ZDHHC11B: variants seen among roughly 807,000 people sequenced by gnomAD.
ZDHHC11B encodes zDHHC palmitoyltransferase 11B (putative), also known as probable palmitoyltransferase ZDHHC11B.
ZDHHC11B carries 17 observed loss-of-function variants against 42.3 expected under a neutral mutation model. The ratio of observed to expected loss-of-function variants is 0.40; its 90% CI spans 0.27 to 0.60. The LOEUF (loss-of-function observed/expected upper bound fraction) is 0.60. Ranked by LOEUF, ZDHHC11B falls within the 20% of genes least tolerant of loss-of-function variation. The pLI is 0.41. For synonymous variants in ZDHHC11B, 123 were observed against 193.5 expected (o/e 0.64, Z 3.02); for missense variants, 262 against 463.2 (o/e 0.57, Z 3.99).
rs777782294 is a variant in ZDHHC11B at position 766,743 on chromosome 5, G to T, written c.177C>A (p.Ile59=). 5.6e-6 allele frequency: 9 copies of T among 1,611,974 alleles called. 1 individual carries two copies. The highest frequency in any genetic ancestry group is 7.6e-6 in the Non-Finnish European group (9 of 1,178,972). The change falls in exon 4 of 14, where the codon ATC becomes ATA. Residue 59 remains isoleucine, a synonymous_variant. Transcript: ENST00000508859. ...FVGLSLATFR[I]FIPLLPHSWK... is the part of the protein sequence containing the mutation. ...ACGAGTGAGGCAGGAGGGGAATGAA[G>T]ATCCTGAAGGTGGCCAAGGAAAGGC...
rs1300522762 is a variant in ZDHHC11B, at chr5:711,529, G to T, written c.*761C>A. ...CTGTGCTCATATTTCCCAGTACTGT[G>T]CTCCCATTTCCCAAAACTGTGCTCT... On this transcript the variant is annotated 3_prime_UTR_variant, in exon 14 of 14. Transcript: ENST00000508859. The T allele has an allele frequency of 1.3e-5, 2 of 149,498 alleles. No individual in the cohort carries two copies. The highest frequency in any genetic ancestry group is 5.3e-4 in the Middle Eastern group (1 of 1,886). The allele number at this position is 149,498 out of a possible 1,614,324, so 9.3% of individuals were successfully genotyped here. A position where few individuals can be genotyped will look rare whatever the true frequency, so the allele number is the denominator to read the frequency against.
At chr5:726,361 AG>A (rs1171202031) in intron 12 of ZDHHC11B, among the ~76,000 whole-genome samples, 1 of 149,968 alleles carries the variant, frequency 6.7e-6, no homozygotes, top group African/African-American at 2.5e-5. Context: ...CCAAACTGTT[AG>A]GTGACCCTGG....
At chr5:771,327 T>G (rs950260936) in intron 1 of ZDHHC11B, among the ~76,000 whole-genome samples, 1 of 149,804 alleles carries the variant, frequency 6.7e-6, no homozygotes, top group Non-Finnish European at 1.5e-5. Flanking sequence ...CTCCCTACAC[T>G]GAAGACCTTA....
At chr5:725,192 G>C (rs112214537) in intron 12 of ZDHHC11B, among the ~76,000 whole-genome samples, 40 of 143,420 alleles carry the variant, frequency 2.8e-4, no homozygotes, top group Admixed American at 5.5e-4. Context: ...GTGAGGACAA[G>C]CAGAGGAGGC....
intron 6 of ZDHHC11B, among the ~76,000 whole-genome samples, chr5:754,562 G>T (rs1336538182): frequency 8.0e-4 from 86 of 107,158 alleles, no homozygotes; most frequent in East Asian, 2.2e-3. Context: ...CCGTGCTCAG[G>T]GGAAACACCT....
At chr5:754,597 T>C in intron 6 of ZDHHC11B, among the ~76,000 whole-genome samples, 1 of 130,780 alleles carries the variant, frequency 7.6e-6, no homozygotes, top group Non-Finnish European at 1.7e-5. Context: ...TCCACCATGC[T>C]CAGGGGAAAC....
At chr5:716,215 G>A (rs1425366831) in intron 13 of ZDHHC11B, among the ~76,000 whole-genome samples, 3 of 151,230 alleles carry the variant, frequency 2.0e-5, no homozygotes, top group Admixed American at 2.0e-4. Context: ...CTGTTTTCAA[G>A]TGCTCAGTCT....
intron 10 of ZDHHC11B, among the ~76,000 whole-genome samples, chr5:737,426 A>G (rs1743658589): frequency 6.7e-6 from 1 of 149,396 alleles, no homozygotes; most frequent in African/African-American, 2.5e-5. Flanking sequence ...AAAAGATAAG[A>G]GGGAATCGTC....
At chr5:733,425 G>A (rs1743204531) in intron 11 of ZDHHC11B, among the ~76,000 whole-genome samples, 1 of 151,590 alleles carries the variant, frequency 6.6e-6, no homozygotes, top group Admixed American at 6.6e-5. Flanking sequence ...CTTTATCACA[G>A]CACTGTCCCT....
intron 12 of ZDHHC11B, among the ~76,000 whole-genome samples, chr5:729,012 C>CAAAAAAAA (rs751272226): frequency 0.077 from 9,619 of 125,418 alleles, 208 homozygotes; most frequent in East Asian, 0.28. Context: ...GACCCTGTCT[C>CAAAAAAAA]AAAAAAAAAA....
At chr5:728,103 A>C (rs1463875196) in intron 12 of ZDHHC11B, among the ~76,000 whole-genome samples, 12 of 151,868 alleles carry the variant, frequency 7.9e-5, no homozygotes, top group Middle Eastern at 3.4e-3. Flanking sequence ...GTGTGCAAAC[A>C]TTTGAAAAGC....
intron 4 of ZDHHC11B, among the ~76,000 whole-genome samples, chr5:758,006 G>A (rs1329430188): frequency 6.6e-6 from 1 of 151,870 alleles, no homozygotes; most frequent in African/African-American, 2.4e-5. Flanking sequence ...TGTAAAGGGT[G>A]TGGGTCAGCT....
In ZDHHC11B at chr5:752,709, A is replaced by T. The variant is rs1354714551; in HGVS notation, c.504-1452T>A. Among the ~76,000 whole-genome samples, 28 of 94,108 alleles carry T rather than the reference A, an allele frequency of 3.0e-4. 7 individuals carry two copies. The allele number at this position is 94,108 out of a possible 152,430, so 61.7% of individuals were successfully genotyped here. A position where few individuals can be genotyped will look rare whatever the true frequency, so the allele number is the denominator to read the frequency against. On this transcript the variant is annotated intron_variant, in intron 6 of 13. Coordinates refer to ENST00000508859, the MANE Select transcript of ZDHHC11B (RefSeq NM_001351303.2). Reference sequence around the variant, plus strand: ...GGGGTGAGGGGTGGCTCCGGGCGTGAGCGGCTCCCTGACTGCTGCTCCCTC... The same window carrying T: ...GGGGTGAGGGGTGGCTCCGGGCGTGTGCGGCTCCCTGACTGCTGCTCCCTC...
intron 1 of ZDHHC11B, among the ~76,000 whole-genome samples, chr5:777,246 A>C (rs1375192734): frequency 1.3e-5 from 2 of 151,842 alleles, no homozygotes; most frequent in Non-Finnish European, 2.9e-5. Context: ...CAGCTCTTCA[A>C]GGTGACGCCT....
rs1179007822 is a variant in ZDHHC11B, at chr5:766,633, C to A, written c.222+65G>T. On this transcript the variant is annotated intron_variant, in intron 4 of 13. Transcript: ENST00000508859. Reference sequence around the variant, plus strand: ...GCAGCCATGGCCCAGACCCCACAGCCAGGTCCATCGCAGGGTCCTCCAGGA... The same window carrying A: ...GCAGCCATGGCCCAGACCCCACAGCAAGGTCCATCGCAGGGTCCTCCAGGA... 65 of 1,491,140 alleles carry A rather than the reference C, an allele frequency of 4.4e-5. No homozygotes were observed. The East Asian group carries it at 1.5e-3, about 34-fold the overall frequency. 92.4% of individuals were successfully genotyped at this position (1,491,140 alleles called of 1,614,324 possible).
Position 748,830 on chromosome 5 carries a change from C to T in ZDHHC11B, c.629-271G>A, listed in dbSNP as rs1466374039. 1.5e-5 allele frequency among the ~76,000 whole-genome samples: 2 copies of T among 130,704 alleles called. 1 individual carries two copies. Among genetic ancestry groups the T allele is most frequent in the Non-Finnish European group, 3.4e-5 (2 of 58,534 alleles). The allele number at this position is 130,704 out of a possible 152,430, so 85.7% of individuals were successfully genotyped here. ...GCCAGGGCTCCAGCATCCACCCCTT[C>T]CTAAGTTCTGGGGTCACAGGGCCCA... On this transcript the variant is annotated intron_variant, in intron 7 of 13. Coordinates refer to ENST00000508859, the MANE Select transcript of ZDHHC11B (RefSeq NM_001351303.2).
chr5:750,986 C>G (rs1430298601), intron 7 of ZDHHC11B, 147 bp downstream of exon 7: 1 of 646,250 alleles, frequency 1.5e-6, no homozygotes, highest in African/African-American at 2.1e-5. Flanking sequence ...GGGCTGCTGC[C>G]GTCGGGCCAG....
Position 741,776 on chromosome 5 carries a change from C to G in ZDHHC11B, c.901-148G>C, listed in dbSNP as rs1411316741. On this transcript the variant is annotated intron_variant, in intron 9 of 13. Coordinates refer to ENST00000508859, the MANE Select transcript of ZDHHC11B (RefSeq NM_001351303.2). ...GTCCTGAGTTCAGATCTCAGAACCA[C>G]TTACGTGTGCACGTGTTTTCATTTC... 6.7e-6 allele frequency: 4 copies of G among 598,882 alleles called. No individual in the cohort carries two copies. In the African/African-American group the frequency reaches 7.6e-5, roughly 11 times the overall value. The allele number at this position is 598,882 out of a possible 1,614,324, so 37.1% of individuals were successfully genotyped here.
chr5:737,788 G>A (rs1743706442), intron 10 of ZDHHC11B, among the ~76,000 whole-genome samples: 1 of 148,378 alleles, frequency 6.7e-6, no homozygotes, highest in African/African-American at 2.5e-5. Flanking sequence ...AATCAGCACA[G>A]AAGGGACATA....
Sources: allele counts gnomAD v4.1 joint callset (sites outside exome capture counted in the v4.1 genomes callset), GRCh38; gene constraint gnomAD v4.1.1; transcripts MANE v1.5; gene names NCBI Gene and HGNC (gene_info 2026-07-23, HGNC 2026-07-21).